Variants in SPIN1 observed in about 807,000 individuals in gnomAD.
SPIN1 encodes spindlin 1.
Under a neutral mutation model 26.0 loss-of-function variants are expected in SPIN1, and 3 were observed. The ratio of observed to expected loss-of-function variants is 0.12; its 90% CI spans 0.05 to 0.30. The LOEUF is 0.30. SPIN1 is among the 10% of genes least tolerant of loss of function. The pLI is 1.00. For missense variants in SPIN1, 126 were observed against 333.4 expected, an observed-to-expected ratio of 0.38 and a Z score of 4.84; for synonymous variants, 101 against 116.5, an observed-to-expected ratio of 0.87 and a Z score of 0.86.
At chr9:88,411,007 G>A (rs529524927) in intron 1 of SPIN1, 1 of 1,564,938 alleles carries the variant, frequency 6.4e-7, no homozygotes, top group East Asian at 2.2e-5. Context: ...GGTCGTCAAA[G>A]GTTACAAAGG....
chr9:88,462,435 T>G, intron 3 of SPIN1, 61 bp from the exon 4 acceptor site: 1 of 1,568,106 alleles, frequency 6.4e-7, no homozygotes, highest in Non-Finnish European at 8.7e-7. Context: ...AGCGGTTATG[T>G]TAGATCTAGG....
intron 1 of SPIN1, among the ~76,000 whole-genome samples, chr9:88,420,065 C>G: frequency 6.6e-6 from 1 of 152,178 alleles, no homozygotes; most frequent in East Asian, 1.9e-4. Context: ...TCAAAAGGAT[C>G]ACAGTCAAGT....
In SPIN1 at chr9:88,468,339, T is replaced by G. The variant is rs766625966; in HGVS notation, c.356-33T>G. The G allele has an allele frequency of 9.6e-6, 14 of 1,451,922 alleles. No homozygotes were observed. The African/African-American group carries it at 1.9e-4, about 19-fold the overall frequency. 89.9% of individuals were successfully genotyped at this position (1,451,922 alleles called of 1,614,324 possible). A position where few individuals can be genotyped will look rare whatever the true frequency, so the allele number is the denominator to read the frequency against. ...ATAGTCGGTAATCAGCGAAACACTT[T>G]GTCAACTTTTTTTTTTTTTTTTTAA... On this transcript the variant is annotated intron_variant, in intron 4 of 5. Coordinates refer to ENST00000375859, the MANE Select transcript of SPIN1 (RefSeq NM_006717.3).
intron 1 of SPIN1, among the ~76,000 whole-genome samples, chr9:88,417,826 C>T (rs1018301033): frequency 6.6e-6 from 1 of 152,192 alleles, no homozygotes; most frequent in Non-Finnish European, 1.5e-5. Flanking sequence ...TTGGAGACTC[C>T]TGTGATTCCT....
chr9:88,461,458 C>T (rs1828575443), intron 3 of SPIN1, among the ~76,000 whole-genome samples: 1 of 152,138 alleles, frequency 6.6e-6, no homozygotes, highest in African/African-American at 2.4e-5. Context: ...TCTGACTTAG[C>T]TAAATATATG....
intron 1 of SPIN1, among the ~76,000 whole-genome samples, chr9:88,389,754 C>G (rs1490831769): frequency 6.6e-6 from 1 of 152,186 alleles, no homozygotes; most frequent in Non-Finnish European, 1.5e-5. Context: ...TCCATGCAAT[C>G]CGAAAGGATT....
At chr9:88,473,337 G>C (rs1449679522) in intron 5 of SPIN1, among the ~76,000 whole-genome samples, 1 of 139,604 alleles carries the variant, frequency 7.2e-6, no homozygotes, top group Non-Finnish European at 1.5e-5. Flanking sequence ...AAGTTGCAGC[G>C]AGTCGAGATT....
Position 88,449,038 on chromosome 9 carries a change from T to G in SPIN1, c.101+49T>G, listed in dbSNP as rs191127166. On this transcript the variant is annotated intron_variant, in intron 3 of 5. Coordinates refer to ENST00000375859, the MANE Select transcript of SPIN1 (RefSeq NM_006717.3). The stretch of plus-strand genomic sequence containing the variant: ...TAGATAGTGTTTTGTGACCTTTTGT[T>G]ACGCAGCATACAAGATCACCTAGGT... The G allele has an allele frequency of 1.7e-4, 262 of 1,585,486 alleles. No homozygotes were observed. In the East Asian group the frequency reaches 5.5e-3, roughly 33 times the overall value.
At chr9:88,430,945 C>T (rs1457438273) in intron 2 of SPIN1, among the ~76,000 whole-genome samples, 2 of 149,734 alleles carry the variant, frequency 1.3e-5, no homozygotes, top group African/African-American at 2.5e-5. Context: ...TGCAATGGCA[C>T]GATCTTGGCT....
rs562570633 is a variant in SPIN1 at position 88,400,312 on chromosome 9, C to CA, written c.-159+11776dup. ...GCCTGGAGGAGTATTTGATTTGTGG[C>CA]AATGGATCTTAGGGGTATAGTATAA... On this transcript the variant is annotated intron_variant, in intron 1 of 5. Coordinates refer to ENST00000375859, the MANE Select transcript of SPIN1 (RefSeq NM_006717.3). Among the ~76,000 whole-genome samples the CA allele has an allele frequency of 4.5e-4, 68 of 152,202 alleles. No homozygotes were observed. The South Asian group carries it at 7.3e-3, about 16-fold the overall frequency.
intron 1 of SPIN1, among the ~76,000 whole-genome samples, chr9:88,397,088 C>G (rs1425727903): frequency 6.6e-6 from 1 of 152,014 alleles, no homozygotes; most frequent in Admixed American, 6.6e-5. Flanking sequence ...CTGTACACTA[C>G]CGTAGACTGT....
At position 88,406,384 on chromosome 9, in the gene SPIN1, A is replaced by G. The variant is rs1228906165; in HGVS notation, c.-159+17846A>G. Among the ~76,000 whole-genome samples the G allele has an allele frequency of 2.7e-5, 4 of 149,758 alleles. No individual in the cohort carries two copies. In the East Asian group the frequency reaches 6.0e-4, roughly 22 times the overall value. On this transcript the variant is annotated intron_variant, in intron 1 of 5. Transcript: ENST00000375859. ...CGGTTCACTGCAAGCTCCGCCTCCC[A>G]GGTTCACACCATTCTCCTGCCTCAG... is the stretch of plus-strand genomic sequence containing the variant.
At chr9:88,441,414 T>TGTGTGTGTGTGTGCGC in intron 2 of SPIN1, among the ~76,000 whole-genome samples, 1 of 141,204 alleles carries the variant, frequency 7.1e-6, no homozygotes, top group African/African-American at 2.9e-5. Context: ...TGTGTGTGTG[T>TGTGTGTGTGTGTGCGC]GCGCGCGCGC....
chr9:88,425,923 C>G (rs1410427069), intron 1 of SPIN1, among the ~76,000 whole-genome samples: 3 of 152,156 alleles, frequency 2.0e-5, no homozygotes, highest in African/African-American at 7.2e-5. Flanking sequence ...TGCCCCCGTG[C>G]TGTCCTTCCA....
intron 2 of SPIN1, among the ~76,000 whole-genome samples, chr9:88,446,563 C>T (rs1240527114): frequency 6.6e-6 from 1 of 151,902 alleles, no homozygotes; most frequent in Non-Finnish European, 1.5e-5. Context: ...TGCGCCACCA[C>T]ACCTGGCTAA....
chr9:88,400,262 T>C (rs536421317), intron 1 of SPIN1, among the ~76,000 whole-genome samples: 1 of 152,268 alleles, frequency 6.6e-6, no homozygotes, highest in South Asian at 2.1e-4. Context: ...AAAGATTGTA[T>C]AGTTTTGCCA....
chr9:88,468,266 G>T lies in SPIN1; in HGVS notation c.356-106G>T, dbSNP rs991265942. 7.8e-6 allele frequency: 6 copies of T among 772,194 alleles called. No individual in the cohort carries two copies. In the Admixed American group the frequency reaches 1.7e-4, roughly 22 times the overall value. 47.8% of individuals were successfully genotyped at this position (772,194 alleles called of 1,614,324 possible). On this transcript the variant is annotated intron_variant, in intron 4 of 5. Coordinates refer to ENST00000375859, the MANE Select transcript of SPIN1 (RefSeq NM_006717.3). ...AGATTCTGATGCTTGCTAATACGTT[G>T]CATGGACAAAATTTCAGGTGTAGCC...
chr9:88,465,482 G>GGTCA, intron 4 of SPIN1, among the ~76,000 whole-genome samples: 1 of 152,162 alleles, frequency 6.6e-6, no homozygotes. Context: ...TTGTCATAGT[G>GGTCA]GTCATCCTGA....
chr9:88,433,477 T>C (rs1770032028), intron 2 of SPIN1, among the ~76,000 whole-genome samples: 1 of 152,186 alleles, frequency 6.6e-6, no homozygotes, highest in South Asian at 2.1e-4. Context: ...ATTTGGAGGC[T>C]TTCCTTGAGT....
Sources: allele counts gnomAD v4.1 joint callset (sites outside exome capture counted in the v4.1 genomes callset), GRCh38; gene constraint gnomAD v4.1.1; transcripts MANE v1.5; gene names NCBI Gene and HGNC (gene_info 2026-07-23, HGNC 2026-07-21).